The following CSMD3 variants were observed in gnomAD, a reference collection of about 807,000 sequenced individuals.
The protein encoded by CSMD3 is CUB and Sushi multiple domains 3, also known as CUB and sushi domain-containing protein 3.
A neutral mutation model predicts 435.2 loss-of-function variants in CSMD3; 177 were observed. The observed-to-expected ratio is 0.41, with a 90% CI of 0.36 to 0.46. The LOEUF (loss-of-function observed/expected upper bound fraction) is 0.46, where lower values mean the gene tolerates loss of function less well. Among genes scored for constraint, CSMD3 ranks in the 20% least tolerant of loss-of-function variants. The pLI, the probability that CSMD3 is intolerant of heterozygous loss-of-function variation, is 0.34. For synonymous variants in CSMD3, 1,656 were observed against 1,520.5 expected (o/e 1.09, Z -2.07); for missense variants, 4,265 against 4,504.6 (o/e 0.95, Z 1.52).
intron 7 of CSMD3, among the ~76,000 whole-genome samples, chr8:112,964,394 A>G (rs2084341225): frequency 6.6e-6 from 1 of 151,972 alleles, no homozygotes; most frequent in African/African-American, 2.4e-5. Flanking sequence ...AAATATGTTT[A>G]CCTTCATAAG....
intron 4 of CSMD3, among the ~76,000 whole-genome samples, chr8:113,133,688 T>C (rs2091342688): frequency 6.6e-6 from 1 of 152,088 alleles, no homozygotes; most frequent in Non-Finnish European, 1.5e-5. Flanking sequence ...CAAGTGTCCA[T>C]GGATGAATAA....
intron 32 of CSMD3, among the ~76,000 whole-genome samples, chr8:112,464,464 T>C (rs1483576462): frequency 6.6e-6 from 1 of 152,018 alleles, no homozygotes; most frequent in Non-Finnish European, 1.5e-5. Flanking sequence ...GAGGAAGAAA[T>C]TTATTAATTA....
At chr8:113,363,720 A>G (rs561546968) in intron 1 of CSMD3, among the ~76,000 whole-genome samples, 2 of 152,322 alleles carry the variant, frequency 1.3e-5, no homozygotes, top group East Asian at 3.9e-4. Flanking sequence ...AATCCAGGGT[A>G]ATCTCTTCAT....
chr8:112,630,283 T>C (rs2074477581), intron 22 of CSMD3, among the ~76,000 whole-genome samples: 2 of 152,164 alleles, frequency 1.3e-5, no homozygotes, highest in East Asian at 1.9e-4. Context: ...GAAGATAAAT[T>C]AGATGAGAGA....
At position 112,503,940 on chromosome 8, in the gene CSMD3, A is replaced by G. The variant is rs1395518644; in HGVS notation, c.4933T>C (p.Tyr1645His). The change falls in exon 30 of 71, where the codon TAT becomes CAT. Residue 1645 changes from tyrosine to histidine, a missense_variant. Transcript: ENST00000297405. ...IEPNYDFLYIYDGPDSNSPLI... is the reference protein window; with the variant it reads ...IEPNYDFLYIHDGPDSNSPLI... ...GGGCTATTACTGTCTGGTCCATCATAGATATAGAGGAAGTCATAGTTTGGT... is the reference window on the plus strand; with the variant it reads ...GGGCTATTACTGTCTGGTCCATCATGGATATAGAGGAAGTCATAGTTTGGT... 1 of 1,610,708 alleles carries G rather than the reference A, an allele frequency of 6.2e-7. No individual in the cohort carries two copies. The highest frequency in any genetic ancestry group is 8.5e-7 in the Non-Finnish European group (1 of 1,177,386).
intron 23 of CSMD3, 124 bp from the exon 24 acceptor site, chr8:112,573,781 G>C (rs1829723692): frequency 1.4e-6 from 1 of 729,608 alleles, no homozygotes; most frequent in East Asian, 2.7e-5. Context: ...CATTTCCAAA[G>C]GGCAACTAAA....
chr8:112,541,636 T>C (rs1453926436), intron 27 of CSMD3, among the ~76,000 whole-genome samples: 1 of 151,888 alleles, frequency 6.6e-6, no homozygotes, highest in Non-Finnish European at 1.5e-5. Flanking sequence ...GAAAAGCCCA[T>C]GACCAGATGA....
intron 1 of CSMD3, among the ~76,000 whole-genome samples, chr8:113,407,243 C>A (rs1215167015): frequency 1.3e-5 from 2 of 151,882 alleles, no homozygotes; most frequent in African/African-American, 2.4e-5. Context: ...TGTTAAATTC[C>A]TCAAAGGTAG....
intron 1 of CSMD3, among the ~76,000 whole-genome samples, chr8:113,397,870 A>C (rs1323268266): frequency 6.7e-6 from 1 of 150,098 alleles, no homozygotes; most frequent in African/African-American, 2.5e-5. Flanking sequence ...ATAAATAAAG[A>C]ACACAGACTC....
intron 31 of CSMD3, among the ~76,000 whole-genome samples, chr8:112,475,015 T>C (rs1818902969): frequency 6.6e-6 from 1 of 152,180 alleles, no homozygotes; most frequent in Admixed American, 6.5e-5. Flanking sequence ...GATAACTTCA[T>C]TCAACTGATA....
At chr8:112,966,008 TA>T (rs1342650885) in intron 7 of CSMD3, among the ~76,000 whole-genome samples, 1 of 151,668 alleles carries the variant, frequency 6.6e-6, no homozygotes, top group African/African-American at 2.4e-5. Context: ...TTAAATAACA[TA>T]ATTAGGGAAA....
chr8:112,809,171 C>A (rs2079162644), intron 12 of CSMD3, among the ~76,000 whole-genome samples: 1 of 152,166 alleles, frequency 6.6e-6, no homozygotes, highest in Admixed American at 6.6e-5. Flanking sequence ...GTTCATACTT[C>A]AAGGTGCTTC....
At chr8:112,456,338 G>C (rs1816840294) in intron 32 of CSMD3, among the ~76,000 whole-genome samples, 1 of 152,040 alleles carries the variant, frequency 6.6e-6, no homozygotes, top group Non-Finnish European at 1.5e-5. Flanking sequence ...TAGGTGTGAA[G>C]GGCAATCACC....
At chr8:112,964,597 A>C (rs2130879821) in intron 7 of CSMD3, among the ~76,000 whole-genome samples, 1 of 152,064 alleles carries the variant, frequency 6.6e-6, no homozygotes, top group Non-Finnish European at 1.5e-5. Context: ...TTTTAGTAAA[A>C]TCATCTTTGG....
intron 2 of CSMD3, chr8:113,310,134 C>T (rs1182233229): frequency 6.6e-6 from 1 of 152,038 alleles, no homozygotes; most frequent in Non-Finnish European, 1.5e-5. Flanking sequence ...AGTTTTTGTA[C>T]TCAAGTCTTT....
intron 1 of CSMD3, among the ~76,000 whole-genome samples, chr8:113,315,661 C>G: frequency 6.8e-6 from 1 of 147,198 alleles, no homozygotes; most frequent in East Asian, 2.0e-4. Flanking sequence ...ATATATATAT[C>G]AAATGTATAT....
In CSMD3 at chr8:112,319,957, G is replaced by T. The variant is rs1184368465; in HGVS notation, c.7190C>A (p.Pro2397His). The change falls in exon 46 of 71, where the codon CCT becomes CAT. Residue 2397 changes from proline to histidine, a missense_variant. Pro to His is a moderately conservative substitution (Grantham distance 77). Transcript: ENST00000297405. Reference sequence around the variant, plus strand: ...TTCAGCATTGGGCACAGGTGGTGGAGGTTGGCACACCCTTAGTTGATAGGC... The same window carrying T: ...TTCAGCATTGGGCACAGGTGGTGGATGTTGGCACACCCTTAGTTGATAGGC... Reference protein sequence around the residue: ...YHAYQLRVCQPPPPVPNAEIL... With the variant: ...YHAYQLRVCQHPPPVPNAEIL... 6.2e-7 allele frequency: 1 copy of T among 1,612,492 alleles called. No homozygotes were observed. The highest frequency in any genetic ancestry group is 8.5e-7 in the Non-Finnish European group (1 of 1,178,836).
intron 38 of CSMD3, among the ~76,000 whole-genome samples, chr8:112,355,147 T>C (rs1826472485): frequency 6.6e-6 from 1 of 152,194 alleles, no homozygotes. Context: ...TGGCTAGCCA[T>C]ATGCAGAAGA....
intron 24 of CSMD3, among the ~76,000 whole-genome samples, chr8:112,569,316 T>A (rs1417898545): frequency 6.6e-6 from 1 of 152,088 alleles, no homozygotes; most frequent in Non-Finnish European, 1.5e-5. Context: ...TGTTAAGTAG[T>A]TGAATCAAGA....
Sources: gnomAD v4.1 joint callset for allele counts (sites outside exome capture counted in the v4.1 genomes callset) on GRCh38, gnomAD v4.1.1 for gene constraint, MANE v1.5 for transcripts, NCBI Gene and HGNC (gene_info 2026-07-23, HGNC 2026-07-21) for gene names.